ZNF534: variants seen among roughly 807,000 people sequenced by gnomAD.
ZNF534 encodes the protein KRAB domain only 3.
In ZNF534, 19 loss-of-function variants were observed where a neutral mutation model predicts 13.6. The ratio of observed to expected loss-of-function variants is 1.40; its 90% confidence interval spans 0.97 to 2.05. ZNF534 has a LOEUF of 2.05. ZNF534 is among the 30% of genes most tolerant of loss of function. ZNF534 has a pLI of 0.00. For synonymous variants in ZNF534, 244 were observed against 273.8 expected (o/e 0.89, Z 1.07); for missense variants, 782 against 796.3 (o/e 0.98, Z 0.22).
downstream of ZNF534, among the ~76,000 whole-genome samples, chr19:52,444,756 C>G (rs2122719880): frequency 6.6e-6 from 1 of 152,212 alleles, no homozygotes; most frequent in Admixed American, 6.5e-5. Flanking sequence ...TCTGCAGTGT[C>G]ATGCAGATTG....
chr19:52,435,460 A>T (rs1427883311), intron 4 of ZNF534, among the ~76,000 whole-genome samples: 1 of 152,054 alleles, frequency 6.6e-6, no homozygotes, highest in Non-Finnish European at 1.5e-5. Context: ...TCTGTGGGAA[A>T]ACCAAAGCTG....
intron 2 of ZNF534, among the ~76,000 whole-genome samples, chr19:52,432,626 T>A (rs918620368): frequency 3.3e-4 from 50 of 152,160 alleles, no homozygotes; most frequent in African/African-American, 9.6e-4. Context: ...TTTTTATTTA[T>A]TTTATTTATT....
chr19:52,437,372 G>A (rs2608496), intron 4 of ZNF534, among the ~76,000 whole-genome samples: 142,624 of 152,216 alleles, frequency 0.94, 67,066 homozygotes, highest in Non-Finnish European at 0.97. Flanking sequence ...TATTCCCAGC[G>A]CTTTGGGCGG....
chr19:52,435,251 G>T lies in ZNF534; in HGVS notation c.271+42G>T, dbSNP rs560957959. ...GCAGAGTGGAGGCCCCATAATTTTT[G>T]TATTTTGAGAAGGGTCTCACTCTGT... On this transcript the variant is annotated intron_variant, in intron 4 of 4. Transcript: ENST00000433050. 6 of 1,562,828 alleles carry T rather than the reference G, an allele frequency of 3.8e-6. No individual in the cohort carries two copies. The South Asian group carries it at 7.3e-5, about 19-fold the overall frequency.
downstream of ZNF534, among the ~76,000 whole-genome samples, chr19:52,444,860 C>T (rs541374338): frequency 6.6e-6 from 1 of 152,272 alleles, no homozygotes; most frequent in African/African-American, 2.4e-5. Flanking sequence ...CCCCCATGTC[C>T]CAACAGCAGG....
At chr19:52,430,786 T>C (rs1321833857) in intron 1 of ZNF534, among the ~76,000 whole-genome samples, 1 of 151,906 alleles carries the variant, frequency 6.6e-6, no homozygotes, top group Non-Finnish European at 1.5e-5. Flanking sequence ...GACCTCGTGA[T>C]CGACCTGCCT....
Position 52,437,859 on chromosome 19 carries a change from G to C in ZNF534, c.399G>C (p.Lys133Asn). 6.2e-7 allele frequency: 1 copy of C among 1,613,846 alleles called. No homozygotes were observed. The highest frequency in any genetic ancestry group is 8.5e-7 in the Non-Finnish European group (1 of 1,179,842). ...FQAVRNIYGC[K>N]HVEKSISDNS... ...CTGTAAGGAATATTTATGGATGTAA[G>C]CATGTTGAGAAATCTATCAGTGACA... Residue 133 changes from lysine (K) to asparagine (N), a missense_variant, in exon 5 of 5, where the codon AAG (lysine) becomes AAC (asparagine). Around this residue, in one of 5 missense-constraint regions of ZNF534, gnomAD observed 591 missense variants for 574.0 expected, o/e 1.03. Transcript: ENST00000433050.
rs773035527 is a variant in ZNF534 at position 52,438,788 on chromosome 19, G to GT, written c.1329dup (p.Gly444TrpfsTer15). 5.0e-6 allele frequency: 8 copies of GT among 1,609,374 alleles called. No homozygotes were observed. The highest frequency in any genetic ancestry group is 1.7e-4 in the Middle Eastern group (1 of 6,058). On this transcript the variant is annotated frameshift_variant, in exon 5 of 5. Coordinates refer to ENST00000433050, the MANE Select transcript of ZNF534 (RefSeq NM_001143938.3). LOFTEE classifies it low-confidence loss of function (END_TRUNC). ...GAGAAACCTTACGAATGTATAGACT[G>GT]TGGCAAGGTCTTCAGGCACAAGTCT...
rs1454401896 is a variant in ZNF534 at position 52,440,144 on chromosome 19, CCT to C, written c.*703_*704del. ...GCAAAGAATTTCATATGAAATCATG[CCT>C]CTCTACCCATCTATTAATCCATACT... On this transcript the variant is annotated 3_prime_UTR_variant, in exon 5 of 5. Coordinates refer to ENST00000433050, the MANE Select transcript of ZNF534 (RefSeq NM_001143938.3). Among the ~76,000 whole-genome samples, 2 of 152,188 alleles carry C rather than the reference CCT, an allele frequency of 1.3e-5. No homozygotes were observed. Among genetic ancestry groups the C allele is most frequent in the Admixed American group, 6.5e-5 (1 of 15,276 alleles).
intron 4 of ZNF534, among the ~76,000 whole-genome samples, chr19:52,447,642 T>A (rs1371547068): frequency 2.0e-5 from 3 of 152,182 alleles, no homozygotes; most frequent in Non-Finnish European, 2.9e-5. Flanking sequence ...TATGATTTTT[T>A]AAATCTTTTT....
chr19:52,444,524 T>C (rs950554641), downstream of ZNF534, among the ~76,000 whole-genome samples: 4 of 151,962 alleles, frequency 2.6e-5, no homozygotes, highest in Non-Finnish European at 2.9e-5. Flanking sequence ...GCTGTGGTAG[T>C]ATGGGGAGGA....
Position 52,441,528 on chromosome 19 carries a change from A to G in ZNF534, c.*2082A>G, listed in dbSNP as rs2059172680. On this transcript the variant is annotated 3_prime_UTR_variant, in exon 5 of 5. Transcript: ENST00000433050. Reference sequence around the variant, plus strand: ...AGACCCTATCTACAAATATAAACAAACAATGTGAAACGTCTTCAGTCACAA... The same window carrying G: ...AGACCCTATCTACAAATATAAACAAGCAATGTGAAACGTCTTCAGTCACAA... Among the ~76,000 whole-genome samples the G allele has an allele frequency of 6.6e-6, 1 of 151,924 alleles. No homozygotes were observed.
At chr19:52,429,980 C>T (rs942905355) in intron 1 of ZNF534, among the ~76,000 whole-genome samples, 3 of 151,700 alleles carry the variant, frequency 2.0e-5, no homozygotes, top group African/African-American at 7.3e-5. Context: ...TAACAATGCC[C>T]TCCAGGCACA....
chr19:52,438,121 G>A lies in ZNF534; in HGVS notation c.661G>A (p.Glu221Lys), dbSNP rs776229523. 45 of 1,613,906 alleles carry A rather than the reference G, an allele frequency of 2.8e-5. No individual in the cohort carries two copies. Among genetic ancestry groups the A allele is most frequent in the Non-Finnish European group, 3.8e-5 (45 of 1,179,972 alleles). Residue 221 changes from glutamate to lysine, a missense_variant, in exon 5 of 5, where the codon GAG becomes AAG. By Grantham distance (56) the Glu-to-Lys change is moderately conservative (BLOSUM62 1). This residue lies in a region of ZNF534 where 591 missense variants were observed against 574.0 expected (regional missense o/e 1.03). Transcript: ENST00000433050. ...AACTTACAAATGTAGTGACTGTGGC[G>A]AGATCTTTAGTAGCAATTCAAACTT... Reference protein sequence around the residue: ...DKTYKCSDCGEIFSSNSNFAQ... With the variant: ...DKTYKCSDCGKIFSSNSNFAQ...
In ZNF534 at chr19:52,440,269, T is replaced by G. The variant is rs748011536; in HGVS notation, c.*823T>G. On this transcript the variant is annotated 3_prime_UTR_variant, in exon 5 of 5. Coordinates refer to ENST00000433050, the MANE Select transcript of ZNF534 (RefSeq NM_001143938.3). ...GAGAATTCACACTGGTGATTGACTT[T>G]AAACATATAACAAGTGTGGCAACGT... Among the ~76,000 whole-genome samples, 21 of 152,160 alleles carry G rather than the reference T, an allele frequency of 1.4e-4. No individual in the cohort carries two copies. Among genetic ancestry groups the G allele is most frequent in the Non-Finnish European group, 2.9e-5 (2 of 68,020 alleles).
chr19:52,435,290 G>A, intron 4 of ZNF534, 81 bp downstream of exon 4: 2 of 1,442,546 alleles, frequency 1.4e-6, no homozygotes, highest in Middle Eastern at 1.9e-4. Flanking sequence ...CCAGGCTGGA[G>A]TACAGTGGCA....
rs1348064117 is a variant in ZNF534, at chr19:52,433,954, G to C, written c.16-1G>C. The C allele has an allele frequency of 6.2e-7, 1 of 1,613,748 alleles. No homozygotes were observed. The highest frequency in any genetic ancestry group is 2.2e-5 in the East Asian group (1 of 44,848). On this transcript the variant is annotated splice_acceptor_variant, in intron 2 of 4. Coordinates refer to ENST00000433050, the MANE Select transcript of ZNF534 (RefSeq NM_001143938.3). LOFTEE classifies it high-confidence loss of function. ...TTTTTGAAATGTGGATTTCCTTTTA[G>C]GGGCAATTGTCATTCAGCGATGTGG...
At chr19:52,452,139 A>G (rs1000590960) in exon 5 of ZNF534, 1 of 162,476 alleles carries the variant, frequency 6.2e-6, no homozygotes, top group African/African-American at 2.4e-5. Context: ...TCACAAAGAA[A>G]CTTTGTTTTT....
At chr19:52,451,781 T>C in exon 5 of ZNF534, 3 of 700,516 alleles carry the variant, frequency 4.3e-6, no homozygotes, top group Admixed American at 2.0e-5. Context: ...GTTGGTGTTG[T>C]ACTCTTTAAT....
Sources: gnomAD v4.1 joint callset for allele counts (sites outside exome capture counted in the v4.1 genomes callset) on GRCh38, gnomAD v4.1.1 for gene constraint, gnomAD v4.1.1 regional missense constraint, MANE v1.5 for transcripts, NCBI Gene and HGNC (gene_info 2026-07-23, HGNC 2026-07-21) for gene names.